Variants in ANKAR observed in about 807,000 individuals in gnomAD.
ANKAR encodes the protein ankyrin and armadillo repeat containing.
Under a neutral mutation model 146.2 loss-of-function variants are expected in ANKAR, and 136 were observed. The observed-to-expected ratio is 0.93, with a 90% CI of 0.81 to 1.07. The LOEUF (loss-of-function observed/expected upper bound fraction) is 1.07, where lower values mean the gene tolerates loss of function less well. Ranked by LOEUF, ANKAR falls within the 50% of genes least tolerant of loss-of-function variation. The pLI, the probability that ANKAR is intolerant of heterozygous loss-of-function variation, is 0.00. For missense variants in ANKAR, 1,567 were observed against 1,679.9 expected, an observed-to-expected ratio of 0.93 and a Z score of 1.18; for synonymous variants, 500 against 575.8, an observed-to-expected ratio of 0.87 and a Z score of 1.88.
rs1343072809 is a variant in ANKAR at position 189,733,120 on chromosome 2, T to C, written c.3314T>C (p.Phe1105Ser). Residue 1105 changes from phenylalanine to serine, a missense_variant, in exon 17 of 23, where the codon TTT becomes TCT. Physicochemically the swap from Phe to Ser is radical, Grantham distance 155 (BLOSUM62 -2). Transcript: ENST00000684021. ...CCACATGTTTAGGTTGAAGTGGCATTTTCCTTGGCATGCATTGTCCTAGGG... is the reference window on the plus strand; with the variant it reads ...CCACATGTTTAGGTTGAAGTGGCATCTTCCTTGGCATGCATTGTCCTAGGG... Reference protein sequence around the residue: ...PSPNIKVEVAFSLACIVLGND... With the variant: ...PSPNIKVEVASSLACIVLGND... 6.2e-7 allele frequency: 1 copy of C among 1,602,704 alleles called. No individual in the cohort carries two copies. The highest frequency in any genetic ancestry group is 1.7e-5 in the Admixed American group (1 of 57,284).
rs1367344204 is a variant in ANKAR, at chr2:189,711,084, A to G, written c.2155A>G (p.Met719Val). The G allele has an allele frequency of 6.2e-7, 1 of 1,614,110 alleles. No homozygotes were observed. Among genetic ancestry groups the G allele is most frequent in the Non-Finnish European group, 8.5e-7 (1 of 1,179,996 alleles). Residue 719 changes from methionine (M) to valine (V), a missense_variant, in exon 10 of 23, where the codon ATG becomes GTG. Transcript: ENST00000684021. ...GTGTGAAAGCTATAAACGAAGGATG[A>G]TGGCCGTCATGTCCTTGGAAGTAAT... Reference protein sequence around the residue: ...LQCESYKRRMMAVMSLEVICL... With the variant: ...LQCESYKRRMVAVMSLEVICL...
chr2:189,710,555 T>G (rs1290594166), intron 9 of ANKAR, among the ~76,000 whole-genome samples: 1 of 152,172 alleles, frequency 6.6e-6, no homozygotes, highest in East Asian at 1.9e-4. Flanking sequence ...ATCCTACCAC[T>G]TTGGGAGGCC....
intron 12 of ANKAR, among the ~76,000 whole-genome samples, chr2:189,726,557 C>A (rs565680496): frequency 6.6e-6 from 1 of 152,154 alleles, no homozygotes; most frequent in African/African-American, 2.4e-5. Flanking sequence ...GACCCATATT[C>A]ATTAAAAATG....
chr2:189,711,397 T>A (rs2039663433), intron 10 of ANKAR, among the ~76,000 whole-genome samples: 1 of 152,204 alleles, frequency 6.6e-6, no homozygotes, highest in Admixed American at 6.5e-5. Context: ...TAAAAAATAA[T>A]GTTAAGTGTT....
At chr2:189,682,742 G>A (rs1371145227) in intron 2 of ANKAR, among the ~76,000 whole-genome samples, 1 of 152,220 alleles carries the variant, frequency 6.6e-6, no homozygotes, top group Non-Finnish European at 1.5e-5. Flanking sequence ...ATGATTCCAA[G>A]GAACAGGAGT....
intron 7 of ANKAR, among the ~76,000 whole-genome samples, chr2:189,700,480 A>G (rs941311347): frequency 7.9e-5 from 12 of 152,378 alleles, no homozygotes; most frequent in Non-Finnish European, 1.5e-4. Context: ...CATGCAATGC[A>G]TAATAATCAC....
At position 189,695,577 on chromosome 2, in the gene ANKAR, A is replaced by G. The variant is rs570596900; in HGVS notation, c.1488+416A>G. ...CAGTCCTGGGAACTAAAACCTAAAG[A>G]GCAGACCTAGCATCATCAAATCTCC... On this transcript the variant is annotated intron_variant, in intron 6 of 22. Transcript: ENST00000684021. Among the ~76,000 whole-genome samples the G allele has an allele frequency of 7.5e-4, 114 of 152,346 alleles. 1 individual carries two copies. Among genetic ancestry groups the G allele is most frequent in the Non-Finnish European group, 8.8e-5 (6 of 68,022 alleles).
At chr2:189,758,992 A>G (rs889871334) in intron 18 of ANKAR, among the ~76,000 whole-genome samples, 9 of 152,196 alleles carry the variant, frequency 5.9e-5, no homozygotes, top group Non-Finnish European at 1.3e-4. Flanking sequence ...CACGGTAATA[A>G]TAGTTACTGT....
intron 19 of ANKAR, among the ~76,000 whole-genome samples, chr2:189,740,020 T>G (rs572364087): frequency 6.6e-6 from 1 of 152,310 alleles, no homozygotes; most frequent in East Asian, 1.9e-4. Flanking sequence ...CAGGCAAAGC[T>G]TGATATTCAG....
At chr2:189,692,490 C>A in intron 4 of ANKAR, 72 bp downstream of exon 4, 1 of 1,403,494 alleles carries the variant, frequency 7.1e-7, no homozygotes, top group Non-Finnish European at 9.6e-7. Flanking sequence ...CCAAAAAGAG[C>A]CTCTGTTGGT....
chr2:189,755,862 A>G (rs2045992659), intron 18 of ANKAR, among the ~76,000 whole-genome samples: 1 of 152,220 alleles, frequency 6.6e-6, no homozygotes, highest in Admixed American at 6.5e-5. Context: ...GAGCATGGGA[A>G]GGACAGGAAA....
intron 8 of ANKAR, among the ~76,000 whole-genome samples, chr2:189,706,534 G>A (rs2038976741): frequency 6.6e-6 from 1 of 152,166 alleles, no homozygotes; most frequent in African/African-American, 2.4e-5. Flanking sequence ...AGGAAGCTGG[G>A]ATTTGAAAAC....
At position 189,695,040 on chromosome 2, in the gene ANKAR, G is replaced by T. The variant is rs530882331; in HGVS notation, c.1367G>T (p.Trp456Leu). 6.2e-7 allele frequency: 1 copy of T among 1,611,634 alleles called. No individual in the cohort carries two copies. Among genetic ancestry groups the T allele is most frequent in the South Asian group, 1.1e-5 (1 of 90,742 alleles). ...TATCAGCAACTATATAAGACACAGT[G>T]GTGGGGAGCCATAAATGAAATAGTG... ...TFYQQLYKTQ[W>L]WGAINEIVNN... is the part of the protein sequence containing the mutation. The change falls in exon 6 of 23, where the codon TGG (tryptophan) becomes TTG (leucine). Residue 456 changes from tryptophan (W) to leucine (L), a missense_variant. Physicochemically the swap from Trp to Leu is moderately conservative, Grantham distance 61. Transcript: ENST00000684021.
At chr2:189,712,999 C>T (rs533313800) in intron 10 of ANKAR, among the ~76,000 whole-genome samples, 14 of 152,062 alleles carry the variant, frequency 9.2e-5, no homozygotes, top group Non-Finnish European at 1.6e-4. Context: ...ATAGCCGATT[C>T]GATCAAGTGG....
At chr2:189,713,134 T>C (rs1459762812) in intron 10 of ANKAR, among the ~76,000 whole-genome samples, 1 of 152,180 alleles carries the variant, frequency 6.6e-6, no homozygotes, top group Non-Finnish European at 1.5e-5. Context: ...AGACCAAATC[T>C]ACGTCTGATT....
At chr2:189,718,444 T>C (rs1380575852) in intron 10 of ANKAR, among the ~76,000 whole-genome samples, 1 of 152,168 alleles carries the variant, frequency 6.6e-6, no homozygotes, top group African/African-American at 2.4e-5. Flanking sequence ...ACTACCCTAA[T>C]GTGGTTATTG....
intron 1 of ANKAR, 118 bp from the exon 2 acceptor site, chr2:189,676,338 G>A: frequency 1.1e-6 from 1 of 898,348 alleles, no homozygotes. Flanking sequence ...AACTATAATG[G>A]TTGACCATGA....
In ANKAR at chr2:189,733,169, A is replaced by G. The variant is rs777014908; in HGVS notation, c.3363A>G (p.Leu1121=). Residue 1121 remains leucine, a synonymous_variant, in exon 17 of 23, where the codon TTA becomes TTG. Coordinates refer to ENST00000684021, the MANE Select transcript of ANKAR (RefSeq NM_001378068.1). Reference sequence around the variant, plus strand: ...GGAATGATGTGTTACAGAAAGACTTACATGAAAATGAAGGATTTGAATATG... The same window carrying G: ...GGAATGATGTGTTACAGAAAGACTTGCATGAAAATGAAGGATTTGAATATG... ...VLGNDVLQKD[L]HENEGFEYAD... is the part of the protein sequence containing the mutation. 2.5e-6 allele frequency: 4 copies of G among 1,612,792 alleles called. No individual in the cohort carries two copies. Among genetic ancestry groups the G allele is most frequent in the Non-Finnish European group, 3.4e-6 (4 of 1,179,222 alleles).
chr2:189,749,716 T>C (rs1026184004), downstream of ANKAR, among the ~76,000 whole-genome samples: 1 of 152,182 alleles, frequency 6.6e-6, no homozygotes, highest in Non-Finnish European at 1.5e-5. Context: ...AAAAAATGCA[T>C]AGACATCCTA....
Sources: gnomAD v4.1 joint callset for allele counts (sites outside exome capture counted in the v4.1 genomes callset) on GRCh38, gnomAD v4.1.1 for gene constraint, MANE v1.5 for transcripts, NCBI Gene and HGNC (gene_info 2026-07-23, HGNC 2026-07-21) for gene names.